The following LAMA2 variants were observed in gnomAD, a reference collection of about 807,000 sequenced individuals.
The protein encoded by LAMA2 is laminin subunit alpha-2.
In LAMA2, 269 loss-of-function variants were observed where a neutral mutation model predicts 364.8. That is an observed-to-expected ratio of 0.74 (90% CI 0.67 to 0.82). The LOEUF (loss-of-function observed/expected upper bound fraction) is 0.82. Ranked by LOEUF, LAMA2 falls within the 40% of genes least tolerant of loss-of-function variation. The pLI is 0.00. For missense variants in LAMA2, 3,807 were observed against 3,873.2 expected, an observed-to-expected ratio of 0.98 and a Z score of 0.45; for synonymous variants, 1,379 against 1,370.6, an observed-to-expected ratio of 1.01 and a Z score of -0.14.
At chr6:128,969,462 C>T (rs536982215) in intron 1 of LAMA2, among the ~76,000 whole-genome samples, 28 of 152,190 alleles carry the variant, frequency 1.8e-4, no homozygotes, top group African/African-American at 6.7e-4. Flanking sequence ...AATGGGGTCT[C>T]ACTCTGTTGC....
intron 34 of LAMA2, among the ~76,000 whole-genome samples, chr6:129,380,644 A>G (rs767955183): frequency 3.5e-4 from 54 of 152,196 alleles, no homozygotes; most frequent in Non-Finnish European, 2.8e-4. Context: ...CAGTCTTTAC[A>G]GGTGTTGAGG....
chr6:129,198,197 C>T (rs1050701232), intron 12 of LAMA2, among the ~76,000 whole-genome samples: 1 of 151,868 alleles, frequency 6.6e-6, no homozygotes, highest in Non-Finnish European at 1.5e-5. Flanking sequence ...AGTGTTTATA[C>T]AGATTCTGCA....
At chr6:128,966,278 T>C (rs763426934) in intron 1 of LAMA2, among the ~76,000 whole-genome samples, 1 of 152,052 alleles carries the variant, frequency 6.6e-6, no homozygotes, top group Admixed American at 6.6e-5. Flanking sequence ...TTTAAAATGT[T>C]GTGACTGTTT....
At chr6:129,010,578 C>T (rs989929081) in intron 1 of LAMA2, among the ~76,000 whole-genome samples, 1 of 152,184 alleles carries the variant, frequency 6.6e-6, no homozygotes, top group African/African-American at 2.4e-5. Flanking sequence ...ACTCTAAGGT[C>T]ATAACGTGAA....
At chr6:129,262,079 C>T (rs1787176893) in intron 15 of LAMA2, among the ~76,000 whole-genome samples, 1 of 152,050 alleles carries the variant, frequency 6.6e-6, no homozygotes, top group Admixed American at 6.6e-5. Flanking sequence ...TCATCCTTTG[C>T]ATTATCTTTT....
At chr6:129,052,824 CA>C (rs1788179774) in intron 2 of LAMA2, among the ~76,000 whole-genome samples, 1 of 151,538 alleles carries the variant, frequency 6.6e-6, no homozygotes, top group Non-Finnish European at 1.5e-5. Flanking sequence ...TTTTTTATCC[CA>C]AAAAGAAAAT....
rs752934825 is a variant in LAMA2 at position 129,320,645 on chromosome 6, T to C, written c.4166T>C (p.Leu1389Pro). ...KCDCPLGYSG[L>P]SCEACLPGFY... ...GATTGTCCCCTGGGCTATTCTGGCCTGTCCTGTGAGGTAAGCTACCTCCTA... is the reference window on the plus strand; with the variant it reads ...GATTGTCCCCTGGGCTATTCTGGCCCGTCCTGTGAGGTAAGCTACCTCCTA... The change falls in exon 28 of 65, where the codon CTG becomes CCG. Residue 1389 changes from leucine (L) to proline (P), a missense_variant. By Grantham distance (98) the Leu-to-Pro change is moderately conservative. Coordinates refer to ENST00000421865, the MANE Select transcript of LAMA2 (RefSeq NM_000426.4). 2.1e-5 allele frequency: 34 copies of C among 1,603,170 alleles called. No individual in the cohort carries two copies. The African/African-American group carries it at 4.0e-4, about 19-fold the overall frequency.
chr6:128,998,458 G>C (rs548394087), intron 1 of LAMA2, among the ~76,000 whole-genome samples: 1 of 71,046 alleles, frequency 1.4e-5, no homozygotes, highest in South Asian at 3.7e-4. Context: ...CGCAGAAGAC[G>C]GTGATTTCTG....
At chr6:129,403,713 G>A in intron 39 of LAMA2, 108 bp from the exon 40 acceptor site, 1 of 984,590 alleles carries the variant, frequency 1.0e-6, no homozygotes, top group Non-Finnish European at 1.6e-6. Context: ...AATTGTCATA[G>A]ATATATTGGC....
At chr6:128,924,554 A>T (rs1405846256) in intron 1 of LAMA2, among the ~76,000 whole-genome samples, 9 of 152,120 alleles carry the variant, frequency 5.9e-5, no homozygotes, top group Non-Finnish European at 1.0e-4. Context: ...GGAAAAAAAA[A>T]ATCCCCTGTA....
intron 12 of LAMA2, among the ~76,000 whole-genome samples, chr6:129,223,824 G>A (rs1364791703): frequency 6.6e-6 from 1 of 152,066 alleles, no homozygotes; most frequent in Admixed American, 6.6e-5. Flanking sequence ...TTGGGAATGT[G>A]GGCTCTTTTT....
chr6:129,316,502 GC>G (rs1206613299), intron 27 of LAMA2, among the ~76,000 whole-genome samples: 51 of 152,332 alleles, frequency 3.3e-4, no homozygotes, highest in African/African-American at 1.1e-3. Flanking sequence ...TTATAAAAGT[GC>G]TGAGAAAGTG....
intron 14 of LAMA2, among the ~76,000 whole-genome samples, chr6:129,255,355 G>A (rs1451030092): frequency 3.0e-5 from 4 of 133,358 alleles, no homozygotes; most frequent in Non-Finnish European, 4.6e-5. Flanking sequence ...GCAGTGAGCC[G>A]AGATCGCGCC....
chr6:128,991,839 A>G (rs768064892), intron 1 of LAMA2, among the ~76,000 whole-genome samples: 2 of 152,184 alleles, frequency 1.3e-5, no homozygotes, highest in African/African-American at 2.4e-5. Flanking sequence ...GTGAGCTCAA[A>G]ATACTTCAAG....
chr6:129,146,650 T>C (rs1375471837), intron 5 of LAMA2, among the ~76,000 whole-genome samples: 1 of 152,016 alleles, frequency 6.6e-6, no homozygotes, highest in Admixed American at 6.6e-5. Flanking sequence ...AGAATAGCTG[T>C]CCTTAGCCCC....
intron 12 of LAMA2, among the ~76,000 whole-genome samples, chr6:129,205,762 C>T (rs57967776): frequency 0.13 from 19,828 of 151,782 alleles, 2,610 homozygotes; most frequent in African/African-American, 0.34. Flanking sequence ...CACTGGCTCA[C>T]GCCTGTAATC....
Position 129,063,342 on chromosome 6 carries a change from C to T in LAMA2, c.396+3446C>T, listed in dbSNP as rs536991931. Among the ~76,000 whole-genome samples the T allele has an allele frequency of 9.2e-5, 14 of 152,172 alleles. No homozygotes were observed. In the South Asian group the frequency reaches 2.3e-3, roughly 25 times the overall value. On this transcript the variant is annotated intron_variant, in intron 3 of 64. Coordinates refer to ENST00000421865, the MANE Select transcript of LAMA2 (RefSeq NM_000426.4). The stretch of plus-strand genomic sequence containing the variant: ...AAGGAGACAGTAATAGGGACTCAAA[C>T]GTTAATAAGATGTCTAAAACATTCT...
chr6:128,994,301 G>A (rs1382538930), intron 1 of LAMA2, among the ~76,000 whole-genome samples: 2 of 152,176 alleles, frequency 1.3e-5, no homozygotes, highest in Non-Finnish European at 2.9e-5. Flanking sequence ...GAAGGAGGAT[G>A]TTTTCAGTAT....
At chr6:129,284,631 G>T (rs560241345) in intron 18 of LAMA2, among the ~76,000 whole-genome samples, 1 of 152,114 alleles carries the variant, frequency 6.6e-6, no homozygotes, top group South Asian at 2.1e-4. Context: ...AATGTAGGCC[G>T]TGATTTTAGC....
Sources: allele counts gnomAD v4.1 joint callset (sites outside exome capture counted in the v4.1 genomes callset), GRCh38; gene constraint gnomAD v4.1.1; transcripts MANE v1.5; gene names NCBI Gene and HGNC (gene_info 2026-07-23, HGNC 2026-07-21).